ZNRF2: variants seen among roughly 807,000 people sequenced by gnomAD.
The protein encoded by ZNRF2 is zinc and ring finger 2.
A neutral mutation model predicts 20.4 loss-of-function variants in ZNRF2; 16 were observed. The ratio of observed to expected loss-of-function variants is 0.79; its 90% CI spans 0.53 to 1.19. The LOEUF is 1.19. Ranked by LOEUF, ZNRF2 falls within the 50% of genes most tolerant of loss-of-function variation. The pLI is 0.00. For missense variants in ZNRF2, 363 were observed against 332.4 expected, an observed-to-expected ratio of 1.09 and a Z score of -0.72; for synonymous variants, 178 against 144.9, an observed-to-expected ratio of 1.23 and a Z score of -1.64.
intron 2 of ZNRF2, among the ~76,000 whole-genome samples, chr7:30,324,269 C>G (rs1342699515): frequency 1.3e-5 from 2 of 151,654 alleles, no homozygotes; most frequent in African/African-American, 4.9e-5. Flanking sequence ...CACAGTGGCT[C>G]ACACCTGTAA....
At chr7:30,295,050 A>AGAGAGAGAGT (rs1412764480) in intron 1 of ZNRF2, among the ~76,000 whole-genome samples, 53 of 38,278 alleles carry the variant, frequency 1.4e-3, no homozygotes, top group East Asian at 2.0e-3. Flanking sequence ...AGAGAGAGAG[A>AGAGAGAGAGT]GTGTGTGTGT....
At chr7:30,295,933 A>C (rs1799013425) in intron 1 of ZNRF2, among the ~76,000 whole-genome samples, 1 of 152,184 alleles carries the variant, frequency 6.6e-6, no homozygotes, top group Admixed American at 6.5e-5. Context: ...GATTTTGCAA[A>C]AACAATCCAG....
intron 1 of ZNRF2, among the ~76,000 whole-genome samples, chr7:30,292,834 G>T (rs1230222753): frequency 6.6e-6 from 1 of 152,188 alleles, no homozygotes; most frequent in African/African-American, 2.4e-5. Flanking sequence ...GTGGCATGAG[G>T]TTGGGACAGA....
intron 2 of ZNRF2, among the ~76,000 whole-genome samples, chr7:30,343,006 A>G (rs973375315): frequency 2.6e-5 from 4 of 152,074 alleles, no homozygotes; most frequent in Non-Finnish European, 4.4e-5. Context: ...TTTGTGGTTT[A>G]ATGTAAGGTC....
chr7:30,352,296 A>G (rs1295881106), intron 2 of ZNRF2, among the ~76,000 whole-genome samples: 7 of 152,034 alleles, frequency 4.6e-5, no homozygotes, highest in Admixed American at 4.6e-4. Flanking sequence ...AGGCAGGCAT[A>G]TATTTCAGAA....
rs1562599992 is a variant in ZNRF2, at chr7:30,285,542, C to CCGGCGGCGCCG, written c.193_203dup (p.Ala69ProfsTer78). 1.0e-6 allele frequency: 1 copy of CCGGCGGCGCCG among 979,394 alleles called. No homozygotes were observed. Among genetic ancestry groups the CCGGCGGCGCCG allele is most frequent in the African/African-American group, 1.8e-5 (1 of 55,668 alleles). 60.7% of individuals were successfully genotyped at this position (979,394 alleles called of 1,614,324 possible). A position where few individuals can be genotyped will look rare whatever the true frequency, so the allele number is the denominator to read the frequency against. ...CCCAGCGCGCACCAGCCCAGCGCCT[C>CCGGCGGCGCCG]CGGCGGCGCCGCGGCGGCCGCGGCG... On this transcript the variant is annotated frameshift_variant, in exon 1 of 5. Transcript: ENST00000323037. LOFTEE classifies it high-confidence loss of function.
At chr7:30,329,092 G>T (rs1268294762) in intron 2 of ZNRF2, among the ~76,000 whole-genome samples, 1 of 151,948 alleles carries the variant, frequency 6.6e-6, no homozygotes, top group Non-Finnish European at 1.5e-5. Flanking sequence ...CTCCTTCTAG[G>T]ATATTTCAGA....
chr7:30,299,192 C>T (rs1287780969), intron 1 of ZNRF2, among the ~76,000 whole-genome samples: 1 of 152,080 alleles, frequency 6.6e-6, no homozygotes, highest in Non-Finnish European at 1.5e-5. Flanking sequence ...CTTTGGGAGT[C>T]TGAGGCAGGT....
At chr7:30,303,575 C>T (rs1799153273) in intron 1 of ZNRF2, among the ~76,000 whole-genome samples, 1 of 152,164 alleles carries the variant, frequency 6.6e-6, no homozygotes, top group Non-Finnish European at 1.5e-5. Flanking sequence ...GGTATAAGCT[C>T]ATAGACTATG....
intron 2 of ZNRF2, among the ~76,000 whole-genome samples, chr7:30,343,433 A>G (rs992084844): frequency 6.6e-6 from 1 of 152,068 alleles, no homozygotes; most frequent in African/African-American, 2.4e-5. Context: ...CTTGATCGTC[A>G]TGGACTAAGG....
chr7:30,329,416 T>A (rs1799602715), intron 2 of ZNRF2, among the ~76,000 whole-genome samples: 1 of 152,194 alleles, frequency 6.6e-6, no homozygotes, highest in Non-Finnish European at 1.5e-5. Flanking sequence ...TTGTACCCAT[T>A]AATCAAACCC....
At chr7:30,345,847 T>A (rs1799868151) in intron 2 of ZNRF2, among the ~76,000 whole-genome samples, 1 of 152,192 alleles carries the variant, frequency 6.6e-6, no homozygotes, top group Non-Finnish European at 1.5e-5. Flanking sequence ...ATATTGCTTT[T>A]GTTTCAAAAA....
intron 2 of ZNRF2, among the ~76,000 whole-genome samples, chr7:30,347,422 G>GCTCT (rs1799895418): frequency 6.6e-6 from 1 of 152,100 alleles, no homozygotes; most frequent in Admixed American, 6.5e-5. Context: ...CTTCCTCCCT[G>GCTCT]CTCTGTTAGA....
chr7:30,299,225 C>T (rs371333838), intron 1 of ZNRF2, among the ~76,000 whole-genome samples: 6 of 152,056 alleles, frequency 3.9e-5, no homozygotes, highest in East Asian at 1.9e-4. Flanking sequence ...GTCAGGAGTT[C>T]GAGACCAGCC....
chr7:30,358,447 G>A (rs1800073159), intron 3 of ZNRF2, among the ~76,000 whole-genome samples: 1 of 152,246 alleles, frequency 6.6e-6, no homozygotes, highest in East Asian at 1.9e-4. Flanking sequence ...CCATATTGTG[G>A]ATAGAAAGAC....
intron 1 of ZNRF2, among the ~76,000 whole-genome samples, chr7:30,310,006 A>G (rs143204756): frequency 2.0e-5 from 3 of 152,164 alleles, no homozygotes; most frequent in Non-Finnish European, 4.4e-5. Flanking sequence ...GCCTGTGACA[A>G]CAGTTTGGGG....
Position 30,366,794 on chromosome 7 carries a change from A to G in ZNRF2, c.*782A>G, listed in dbSNP as rs527683143. 1 of 152,714 alleles carries G rather than the reference A, an allele frequency of 6.5e-6. No individual in the cohort carries two copies. The allele number at this position is 152,714 out of a possible 1,614,324, so 9.5% of individuals were successfully genotyped here. ...TTATCCTCTTAAATAAAACTGCTCA[A>G]CAGTTAATCAGCAGTGAATCATCTT... On this transcript the variant is annotated 3_prime_UTR_variant, in exon 5 of 5. Coordinates refer to ENST00000323037, the MANE Select transcript of ZNRF2 (RefSeq NM_147128.4).
chr7:30,291,027 A>G (rs1798898064), intron 1 of ZNRF2, among the ~76,000 whole-genome samples: 1 of 152,220 alleles, frequency 6.6e-6, no homozygotes, highest in African/African-American at 2.4e-5. Context: ...TTAGTGAAGT[A>G]TCTTTGTCTA....
intron 3 of ZNRF2, 90 bp downstream of exon 3, chr7:30,355,923 C>G: frequency 1.2e-6 from 1 of 838,038 alleles, no homozygotes; most frequent in Non-Finnish European, 1.9e-6. Context: ...TTCGTTGAAA[C>G]CACCCCCTCC....
Sources: gnomAD v4.1 joint callset for allele counts (sites outside exome capture counted in the v4.1 genomes callset) on GRCh38, gnomAD v4.1.1 for gene constraint, MANE v1.5 for transcripts, NCBI Gene and HGNC (gene_info 2026-07-23, HGNC 2026-07-21) for gene names.